Variants in VWDE observed in about 807,000 individuals in gnomAD.
VWDE encodes the protein von Willebrand factor D and EGF domain-containing protein.
Under a neutral mutation model 178.4 loss-of-function variants are expected in VWDE, and 207 were observed. That is an observed-to-expected ratio of 1.16 (90% CI 1.04 to 1.30). The LOEUF is 1.30. Among genes scored for constraint, VWDE ranks in the 50% most tolerant of loss-of-function variants. The pLI is 0.00. For missense variants in VWDE, 2,287 were observed against 1,901.3 expected (o/e 1.20, Z -3.77); for synonymous variants, 738 against 651.4 (o/e 1.13, Z -2.02).
chr7:12,393,538 C>T lies in VWDE; in HGVS notation c.243+56G>A, dbSNP rs10232837. 8,289 of 1,366,504 alleles carry T rather than the reference C, an allele frequency of 6.1e-3. 401 individuals carry two copies. In the African/African-American group the frequency reaches 0.11, roughly 18 times the overall value. 84.6% of individuals were successfully genotyped at this position (1,366,504 alleles called of 1,614,324 possible). ...AAGCTGGTGGTAAAAAGATACAATTCTCATATGAAAAACACATAAGGAAAA... is the reference window on the plus strand; with the variant it reads ...AAGCTGGTGGTAAAAAGATACAATTTTCATATGAAAAACACATAAGGAAAA... On this transcript the variant is annotated intron_variant, in intron 2 of 28. Transcript: ENST00000275358.
intron 16 of VWDE, among the ~76,000 whole-genome samples, chr7:12,358,736 G>C (rs1782413762): frequency 6.6e-6 from 1 of 152,116 alleles, no homozygotes. Context: ...AGACTATAAT[G>C]AATCAATCAG....
rs78617014 is a variant in VWDE at position 12,331,865 on chromosome 7, C to T, written c.4759-668G>A. Among the ~76,000 whole-genome samples, 3 of 152,078 alleles carry T rather than the reference C, an allele frequency of 2.0e-5. No individual in the cohort carries two copies. The East Asian group carries it at 5.8e-4, about 29-fold the overall frequency. On this transcript the variant is annotated intron_variant, in intron 28 of 28. Coordinates refer to ENST00000275358, the MANE Select transcript of VWDE (RefSeq NM_001135924.3). ...TTTTATCAACCCACCCTCTTTAGCA[C>T]CTTTTTCTTCCTTTACTTATTTTCC...
chr7:12,339,575 A>G (rs1781216552), intron 24 of VWDE, among the ~76,000 whole-genome samples: 1 of 152,134 alleles, frequency 6.6e-6, no homozygotes, highest in African/African-American at 2.4e-5. Context: ...GCCAACATCC[A>G]AAATAAAAGA....
intron 18 of VWDE, 119 bp downstream of exon 18, chr7:12,355,992 A>G: frequency 3.8e-6 from 3 of 794,504 alleles, no homozygotes; most frequent in Admixed American, 2.9e-5. Flanking sequence ...AATAACTTTT[A>G]TTAAAATTGT....
intron 19 of VWDE, among the ~76,000 whole-genome samples, chr7:12,347,083 A>G (rs562119695): frequency 6.6e-6 from 1 of 152,296 alleles, no homozygotes; most frequent in East Asian, 1.9e-4. Context: ...GCAGTGAGGT[A>G]AGCACAGTTG....
At chr7:12,374,620 C>T in intron 9 of VWDE, 69 bp downstream of exon 9, 1 of 1,109,988 alleles carries the variant, frequency 9.0e-7, no homozygotes, top group South Asian at 1.5e-5. Context: ...AAACAATACA[C>T]TGTTTAAAAT....
At chr7:12,391,486 C>T (rs556612067) in intron 2 of VWDE, among the ~76,000 whole-genome samples, 97 of 152,326 alleles carry the variant, frequency 6.4e-4, no homozygotes, top group Non-Finnish European at 1.3e-3. Context: ...TTCACCTACA[C>T]ATTCGTGTGA....
chr7:12,334,491 T>C (rs1225175132), intron 27 of VWDE, among the ~76,000 whole-genome samples: 1 of 152,168 alleles, frequency 6.6e-6, no homozygotes, highest in Non-Finnish European at 1.5e-5. Flanking sequence ...ATTGGGCAGG[T>C]TGTGAAATCC....
At chr7:12,384,365 C>T (rs1006789143) in intron 3 of VWDE, among the ~76,000 whole-genome samples, 1 of 151,846 alleles carries the variant, frequency 6.6e-6, no homozygotes, top group Admixed American at 6.6e-5. Flanking sequence ...GGTGAACAGG[C>T]AGAGCATAGG....
intron 19 of VWDE, among the ~76,000 whole-genome samples, chr7:12,347,308 C>G (rs1366793277): frequency 6.6e-6 from 1 of 152,112 alleles, no homozygotes; most frequent in East Asian, 1.9e-4. Context: ...CTCCAGATTA[C>G]AAAAATTACC....
intron 13 of VWDE, among the ~76,000 whole-genome samples, chr7:12,365,464 T>C (rs537019262): frequency 1.3e-5 from 2 of 152,246 alleles, no homozygotes; most frequent in South Asian, 4.1e-4. Context: ...ATTAAGGATT[T>C]TGCATGACCT....
At chr7:12,332,169 G>C (rs1190443118) in intron 28 of VWDE, among the ~76,000 whole-genome samples, 1 of 120,114 alleles carries the variant, frequency 8.3e-6, no homozygotes, top group African/African-American at 4.0e-5. Flanking sequence ...GGGAGACAAA[G>C]AAATATCGAA....
chr7:12,361,331 G>T (rs771784380), intron 14 of VWDE, 35 bp downstream of exon 14: 12 of 1,541,470 alleles, frequency 7.8e-6, no homozygotes, highest in East Asian at 2.5e-5. Flanking sequence ...TATTTACTTT[G>T]TTTATAAATA....
rs137978877 is a variant in VWDE, at chr7:12,392,157, C to A, written c.243+1437G>T. ...GGTACATGACTTTGGTCATGTGACT[C>A]ATGCTTAGTGTCTGTGTCCACATCT... is the stretch of plus-strand genomic sequence containing the variant. On this transcript the variant is annotated intron_variant, in intron 2 of 28. Coordinates refer to ENST00000275358, the MANE Select transcript of VWDE (RefSeq NM_001135924.3). 1.9e-4 allele frequency among the ~76,000 whole-genome samples: 29 copies of A among 152,296 alleles called. No individual in the cohort carries two copies. The East Asian group carries it at 5.2e-3, about 27-fold the overall frequency.
chr7:12,395,634 TATAAG>T lies in VWDE; in HGVS notation c.59-1861_59-1857del, dbSNP rs1289004102. 1.3e-4 allele frequency among the ~76,000 whole-genome samples: 20 copies of T among 152,176 alleles called. No homozygotes were observed. In the South Asian group the frequency reaches 3.9e-3, roughly 30 times the overall value. On this transcript the variant is annotated intron_variant, in intron 1 of 28. Coordinates refer to ENST00000275358, the MANE Select transcript of VWDE (RefSeq NM_001135924.3). ...ATTTACTTTTACTCAATATTTATCT[TATAAG>T]ATAATTTTAAATTCATATATTTTAT...
At chr7:12,380,292 T>C (rs1783771959) in intron 5 of VWDE, among the ~76,000 whole-genome samples, 194 bp downstream of exon 5, 1 of 151,350 alleles carries the variant, frequency 6.6e-6, no homozygotes, top group Non-Finnish European at 1.5e-5. Flanking sequence ...TATATTCATA[T>C]ATAGTCACTA....
chr7:12,394,049 C>T (rs1000279197), intron 1 of VWDE, among the ~76,000 whole-genome samples: 7 of 152,188 alleles, frequency 4.6e-5, no homozygotes, highest in East Asian at 1.9e-4. Flanking sequence ...TCATTTAATT[C>T]GAACAACCAA....
chr7:12,331,282 C>G (rs1780708404), intron 28 of VWDE, 85 bp from the exon 29 acceptor site: 1 of 1,131,204 alleles, frequency 8.8e-7, no homozygotes. Flanking sequence ...CTCCTTCCCT[C>G]TGACATGATA....
intron 2 of VWDE, 56 bp from the exon 3 acceptor site, chr7:12,389,414 G>C: frequency 1.6e-6 from 2 of 1,270,518 alleles, no homozygotes; most frequent in Non-Finnish European, 2.2e-6. Flanking sequence ...ATCCATTGTA[G>C]ATATATCAAC....
Sources: gnomAD v4.1 joint callset for allele counts (sites outside exome capture counted in the v4.1 genomes callset) on GRCh38, gnomAD v4.1.1 for gene constraint, MANE v1.5 for transcripts, NCBI Gene and HGNC (gene_info 2026-07-23, HGNC 2026-07-21) for gene names.